Variants in MACF1 observed in about 807,000 individuals in gnomAD.
MACF1 encodes microtubule actin crosslinking factor 1.
Under a neutral mutation model 854.8 loss-of-function variants are expected in MACF1, and 193 were observed. That is an observed-to-expected ratio of 0.23 (90% confidence interval 0.20 to 0.25). The LOEUF is 0.25. Ranked by LOEUF, MACF1 falls within the 10% of genes least tolerant of loss-of-function variation. MACF1 has a pLI of 1.00. For missense variants in MACF1, 7,722 were observed against 8,929.1 expected, an observed-to-expected ratio of 0.86 and a Z score of 5.45; for synonymous variants, 3,185 against 3,226.7, an observed-to-expected ratio of 0.99 and a Z score of 0.44.
chr1:39,319,212 C>G (rs779042058), intron 30 of MACF1, among the ~76,000 whole-genome samples: 5 of 152,012 alleles, frequency 3.3e-5, no homozygotes, highest in African/African-American at 4.8e-5. Context: ...ATTATCGTTG[C>G]TAGGATTAAC....
rs1644432683 is a variant in MACF1 at position 39,204,899 on chromosome 1, C to T, written c.-124C>T. Reference sequence around the variant, plus strand: ...GAAGCTGCCAGGAAGTTTCTGACAACACTAAGCTCCGGCCTCTGCCTCTGC... The same window carrying T: ...GAAGCTGCCAGGAAGTTTCTGACAATACTAAGCTCCGGCCTCTGCCTCTGC... On this transcript the variant is annotated 5_prime_UTR_variant, in exon 1 of 101. Transcript: ENST00000564288. The T allele has an allele frequency of 8.0e-6, 5 of 626,140 alleles. No homozygotes were observed. Among genetic ancestry groups the T allele is most frequent in the South Asian group, 5.6e-5 (3 of 53,186 alleles). 38.8% of individuals were successfully genotyped at this position (626,140 alleles called of 1,614,324 possible).
intron 70 of MACF1, chr1:39,436,110 T>C (rs1213163635): frequency 4.5e-5 from 18 of 398,164 alleles, no homozygotes; most frequent in Non-Finnish European, 7.2e-5. Flanking sequence ...AACCTGTTAC[T>C]TTTTTGCTTT....
At chr1:39,231,322 GT>G in intron 2 of MACF1, 79 bp downstream of exon 2, 2 of 1,309,214 alleles carry the variant, frequency 1.5e-6, no homozygotes, top group Non-Finnish European at 2.2e-6. Flanking sequence ...CTTTCAGATG[GT>G]TTAGATTGCT....
intron 58 of MACF1, chr1:39,412,900 C>G (rs1429236138): frequency 2.5e-6 from 4 of 1,608,986 alleles, no homozygotes; most frequent in Admixed American, 1.7e-5. Context: ...AGTGCCCTTT[C>G]CACATGAGGA....
At chr1:39,243,384 C>G (rs2148324966) in intron 2 of MACF1, among the ~76,000 whole-genome samples, 1 of 152,270 alleles carries the variant, frequency 6.6e-6, no homozygotes. Context: ...AACAGTCTTG[C>G]TTCAGTTGGC....
intron 2 of MACF1, among the ~76,000 whole-genome samples, chr1:39,247,724 A>G (rs1030614637): frequency 3.9e-5 from 6 of 152,242 alleles, no homozygotes; most frequent in Admixed American, 2.0e-4. Context: ...GAAAATGTTA[A>G]TATTGCAGAT....
At chr1:39,263,122 G>C (rs911595511) in intron 6 of MACF1, among the ~76,000 whole-genome samples, 6 of 152,202 alleles carry the variant, frequency 3.9e-5, no homozygotes, top group Non-Finnish European at 8.8e-5. Flanking sequence ...TGGAAATGCA[G>C]AGTAGAACTG....
In MACF1 at chr1:39,362,135, A is replaced by G. The variant is rs866550372; in HGVS notation, c.12771+458A>G. On this transcript the variant is annotated intron_variant, in intron 49 of 100. Coordinates refer to ENST00000564288, the MANE Select transcript of MACF1 (RefSeq NM_001394062.1). ...AAAGCTAGAAATATTTGGTAAAAGTATTAACAGCTACCACAGATATATATC... is the reference window on the plus strand; with the variant it reads ...AAAGCTAGAAATATTTGGTAAAAGTGTTAACAGCTACCACAGATATATATC... Among the ~76,000 whole-genome samples the G allele has an allele frequency of 3.3e-5, 5 of 152,388 alleles. No individual in the cohort carries two copies. In the South Asian group the frequency reaches 8.3e-4, roughly 25 times the overall value.
chr1:39,125,207 T>G (rs1048537847), intron 2 of MACF1, among the ~76,000 whole-genome samples: 4 of 152,338 alleles, frequency 2.6e-5, no homozygotes, highest in African/African-American at 7.2e-5. Flanking sequence ...CAACATATAG[T>G]GATTTCAAGC....
intron 2 of MACF1, among the ~76,000 whole-genome samples, chr1:39,109,184 T>A (rs1415471614): frequency 6.6e-6 from 1 of 152,218 alleles, no homozygotes; most frequent in Non-Finnish European, 1.5e-5. Context: ...TCTGTTAAAA[T>A]AGGGATGATA....
chr1:39,484,739 C>G lies in MACF1; in HGVS notation c.22411+9C>G, dbSNP rs565991599. 8.7e-6 allele frequency: 14 copies of G among 1,614,156 alleles called. No homozygotes were observed. The South Asian group carries it at 1.5e-4, about 18-fold the overall frequency. On this transcript the variant is annotated intron_variant, in intron 100 of 100. Transcript: ENST00000564288. ...CAAAACTAATCGGGCAGGTAAGTACCTGCCCCGTGACCTACAAGCCAGGCT... is the reference window on the plus strand; with the variant it reads ...CAAAACTAATCGGGCAGGTAAGTACGTGCCCCGTGACCTACAAGCCAGGCT...
chr1:39,204,311 C>G (rs1238320518), upstream of MACF1: 1 of 152,288 alleles, frequency 6.6e-6, no homozygotes, highest in African/African-American at 2.4e-5. Flanking sequence ...GAAGTACCCC[C>G]TAAATGAGCA....
intron 58 of MACF1, chr1:39,411,758 C>A: frequency 1.9e-6 from 3 of 1,613,750 alleles, no homozygotes; most frequent in South Asian, 2.2e-5. Flanking sequence ...CTGGCTGCAT[C>A]CCAGGATGCA....
At chr1:39,370,718 CG>C (rs1290909779) in intron 51 of MACF1, among the ~76,000 whole-genome samples, 9 of 152,124 alleles carry the variant, frequency 5.9e-5, no homozygotes, top group Non-Finnish European at 1.0e-4. Context: ...GAAAGAAAAG[CG>C]TTTGATTGCT....
chr1:39,403,082 T>C (rs1035830485), intron 58 of MACF1, among the ~76,000 whole-genome samples: 1 of 40,126 alleles, frequency 2.5e-5, no homozygotes, highest in Non-Finnish European at 4.5e-5. Flanking sequence ...TGTTTGGTTG[T>C]TTTGTTTTGT....
At chr1:39,389,161 C>G (rs545199098) in intron 58 of MACF1, among the ~76,000 whole-genome samples, 1 of 151,804 alleles carries the variant, frequency 6.6e-6, no homozygotes, top group Admixed American at 6.6e-5. Flanking sequence ...CAGGCATGAG[C>G]CATCACGCCC....
In MACF1 at chr1:39,102,924, G is replaced by A. The variant is rs755293422; in HGVS notation, c.220+18486G>A. ...CTTCTTCCCATCCCCCCTGGCAGCC[G>A]CTTTGTTCCTCTAGCCTTGTAAAAT... On this transcript the variant is annotated intron_variant, in intron 2 of 93. Transcript: ENST00000361689. 2.1e-5 allele frequency: 15 copies of A among 701,898 alleles called. No homozygotes were observed. The East Asian group carries it at 2.1e-4, about 10-fold the overall frequency. The allele number at this position is 701,898 out of a possible 1,614,324, so 43.5% of individuals were successfully genotyped here.
chr1:39,092,869 C>T (rs1252074711), intron 2 of MACF1, among the ~76,000 whole-genome samples: 1 of 151,976 alleles, frequency 6.6e-6, no homozygotes, highest in Non-Finnish European at 1.5e-5. Flanking sequence ...CTGCAACCTC[C>T]GCCTCCCGGG....
At chr1:39,303,357 C>T (rs1646090105) in intron 23 of MACF1, among the ~76,000 whole-genome samples, 1 of 152,106 alleles carries the variant, frequency 6.6e-6, no homozygotes, top group Non-Finnish European at 1.5e-5. Context: ...TTTTTACCAG[C>T]CTGGTCAACA....
Sources: allele counts gnomAD v4.1 joint callset (sites outside exome capture counted in the v4.1 genomes callset), GRCh38; gene constraint gnomAD v4.1.1; transcripts MANE v1.5; gene names NCBI Gene and HGNC (gene_info 2026-07-23, HGNC 2026-07-21).